ATP10A: variants seen among roughly 807,000 people sequenced by gnomAD.
ATP10A encodes ATPase phospholipid transporting 10A (putative), also known as phospholipid-transporting ATPase VA.
Under a neutral mutation model 147.8 loss-of-function variants are expected in ATP10A, and 111 were observed. That is an observed-to-expected ratio of 0.75 (90% CI 0.64 to 0.88). ATP10A has a LOEUF of 0.88. Among genes scored for constraint, ATP10A ranks in the 40% least tolerant of loss-of-function variants. The pLI is 0.00. For missense variants in ATP10A, 1,927 were observed against 1,959.0 expected, an observed-to-expected ratio of 0.98 and a Z score of 0.31; for synonymous variants, 875 against 841.6, an observed-to-expected ratio of 1.04 and a Z score of -0.69.
At chr15:25,794,291 A>G (rs901078726) in intron 1 of ATP10A, among the ~76,000 whole-genome samples, 1 of 152,146 alleles carries the variant, frequency 6.6e-6, no homozygotes, top group Non-Finnish European at 1.5e-5. Flanking sequence ...CACCCTGCCC[A>G]GAGGCTGGCT....
chr15:25,834,036 T>C (rs1045881742), intron 1 of ATP10A, among the ~76,000 whole-genome samples: 1 of 152,106 alleles, frequency 6.6e-6, no homozygotes, highest in African/African-American at 2.4e-5. Context: ...TACATTGTCA[T>C]TATTTATTAT....
chr15:25,746,604 T>A (rs1354285315), intron 2 of ATP10A, among the ~76,000 whole-genome samples: 1 of 152,192 alleles, frequency 6.6e-6, no homozygotes, highest in East Asian at 1.9e-4. Context: ...CAAGTATCAA[T>A]CAATTTCAAA....
At chr15:25,843,296 G>C (rs969785029) in intron 1 of ATP10A, among the ~76,000 whole-genome samples, 2 of 145,474 alleles carry the variant, frequency 1.4e-5, no homozygotes, top group African/African-American at 5.1e-5. Flanking sequence ...CCACATCAGT[G>C]TGTGCAGAGG....
chr15:25,718,412 G>C lies in ATP10A; in HGVS notation c.1364-13C>G. 6.3e-7 allele frequency: 1 copy of C among 1,576,272 alleles called. No individual in the cohort carries two copies. Among genetic ancestry groups the C allele is most frequent in the Non-Finnish European group, 8.6e-7 (1 of 1,165,354 alleles). On this transcript the variant is annotated splice_polypyrimidine_tract_variant and intron_variant, in intron 7 of 20. Transcript: ENST00000555815. ...GCCAGACGCTGCGCTGCGGGGAGAG[G>C]GCGCAGGGTGAGGCATCATGGGGGA...
intron 1 of ATP10A, among the ~76,000 whole-genome samples, chr15:25,821,584 T>G (rs6576466): frequency 1.3e-5 from 2 of 151,814 alleles, no homozygotes; most frequent in Non-Finnish European, 1.5e-5. Flanking sequence ...ATTTCAACTG[T>G]GGCATCCAAT....
chr15:25,853,171 G>A lies in ATP10A; in HGVS notation c.449+9477C>T, dbSNP rs184111689. 1.7e-3 allele frequency among the ~76,000 whole-genome samples: 257 copies of A among 152,312 alleles called. 1 individual carries two copies. The highest frequency in any genetic ancestry group is 5.9e-3 in the African/African-American group (247 of 41,574). On this transcript the variant is annotated intron_variant, in intron 1 of 20. Transcript: ENST00000555815. ...CATACAAACTGCACTCCGGGAAAAT[G>A]CAAAACAAGTAAACATAGAAAGTCA...
chr15:25,786,334 G>A (rs1052305715), intron 1 of ATP10A, among the ~76,000 whole-genome samples: 1 of 152,178 alleles, frequency 6.6e-6, no homozygotes, highest in Non-Finnish European at 1.5e-5. Context: ...AGGACATCTC[G>A]AATGTGTGCC....
chr15:25,754,518 A>T (rs1888317534), intron 2 of ATP10A, among the ~76,000 whole-genome samples: 1 of 152,084 alleles, frequency 6.6e-6, no homozygotes, highest in Admixed American at 6.6e-5. Flanking sequence ...ACAGATTTGG[A>T]TTTGTGTTCT....
intron 14 of ATP10A, among the ~76,000 whole-genome samples, chr15:25,693,575 A>C (rs1280390500): frequency 6.6e-6 from 1 of 152,078 alleles, no homozygotes; most frequent in Non-Finnish European, 1.5e-5. Flanking sequence ...TCAGAGGAGG[A>C]GGCTGGGACA....
rs1400188916 is a variant in ATP10A, at chr15:25,695,062, T to C, written c.2845A>G (p.Lys949Glu). ...LQRAPEKTKG[K>E]VSMRFSSLCP... ...AGAGAGGAGAACCTCATGCTCACTT[T>C]GCCCTTGGTCTTCTCAGGGGCTCTC... Residue 949 changes from lysine (K) to glutamate (E), a missense_variant, in exon 14 of 21, where the codon AAA (lysine) becomes GAA (glutamate). By Grantham distance (56) the Lys-to-Glu change is moderately conservative. Coordinates refer to ENST00000555815, the MANE Select transcript of ATP10A (RefSeq NM_024490.4). 1.9e-6 allele frequency: 3 copies of C among 1,614,200 alleles called. No individual in the cohort carries two copies. The Admixed American group carries it at 5.0e-5, about 27-fold the overall frequency.
chr15:25,708,855 C>G (rs1423171496), intron 10 of ATP10A: 1 of 154,136 alleles, frequency 6.5e-6, no homozygotes, highest in African/African-American at 2.4e-5. Context: ...ATAGGACATA[C>G]TTTTACTTAA....
intron 2 of ATP10A, among the ~76,000 whole-genome samples, chr15:25,776,695 G>A (rs918761573): frequency 6.6e-6 from 1 of 152,236 alleles, no homozygotes; most frequent in African/African-American, 2.4e-5. Flanking sequence ...TCAGCCCGGT[G>A]TCTAGGCCTC....
At chr15:25,781,668 G>GAA (rs147828670) in intron 1 of ATP10A, among the ~76,000 whole-genome samples, 2 of 146,880 alleles carry the variant, frequency 1.4e-5, no homozygotes, top group South Asian at 2.2e-4. Flanking sequence ...AAAAAAGAAG[G>GAA]AAAAAAAAAA....
chr15:25,727,586 C>T (rs1902659456), intron 3 of ATP10A, among the ~76,000 whole-genome samples: 1 of 152,182 alleles, frequency 6.6e-6, no homozygotes, highest in Non-Finnish European at 1.5e-5. Flanking sequence ...CCCAACCGGC[C>T]AAGGAAGGCC....
intron 1 of ATP10A, among the ~76,000 whole-genome samples, chr15:25,801,882 C>T (rs1890955452): frequency 1.3e-5 from 2 of 152,254 alleles, no homozygotes; most frequent in East Asian, 1.9e-4. Flanking sequence ...ACATGGATAA[C>T]AGATCCAGGC....
chr15:25,780,901 G>C, intron 2 of ATP10A, 118 bp downstream of exon 2: 1 of 1,181,202 alleles, frequency 8.5e-7, no homozygotes, highest in Non-Finnish European at 1.2e-6. Context: ...CGTCTACTAG[G>C]AAAAACAGCC....
chr15:25,852,536 AC>A (rs1007200729), intron 1 of ATP10A, among the ~76,000 whole-genome samples: 1 of 148,204 alleles, frequency 6.7e-6, no homozygotes, highest in Non-Finnish European at 1.5e-5. Context: ...CCTCTGTCTC[AC>A]CCAAAGCCCA....
In ATP10A at chr15:25,862,057, C is replaced by A. The variant is rs1235382371; in HGVS notation, c.449+591G>T. ...GTTAAGATGAAGAAAATTAGGCAGG[C>A]AGCTACCGGGCGGTGCCTGGCTCGC... On this transcript the variant is annotated intron_variant, in intron 1 of 20. Transcript: ENST00000555815. 19 of 332,804 alleles carry A rather than the reference C, an allele frequency of 5.7e-5. No homozygotes were observed. The Admixed American group carries it at 8.0e-4, about 14-fold the overall frequency. The allele number at this position is 332,804 out of a possible 1,614,324, so 20.6% of individuals were successfully genotyped here.
chr15:25,840,230 G>A (rs1892756176), intron 1 of ATP10A, among the ~76,000 whole-genome samples: 2 of 152,146 alleles, frequency 1.3e-5, no homozygotes, highest in African/African-American at 4.8e-5. Flanking sequence ...ATGCACATGT[G>A]AAGGTTTGTT....
Sources: gnomAD v4.1 joint callset for allele counts (sites outside exome capture counted in the v4.1 genomes callset) on GRCh38, gnomAD v4.1.1 for gene constraint, MANE v1.5 for transcripts, NCBI Gene and HGNC (gene_info 2026-07-23, HGNC 2026-07-21) for gene names.